The following PACSIN2 variants were observed in gnomAD, a reference collection of about 807,000 sequenced individuals.
PACSIN2 encodes the protein protein kinase C and casein kinase substrate in neurons protein 2.
A neutral mutation model predicts 63.8 loss-of-function variants in PACSIN2; 25 were observed. That is an observed-to-expected ratio of 0.39 (90% CI 0.29 to 0.55). The LOEUF is 0.55. Ranked by LOEUF, PACSIN2 falls within the 20% of genes least tolerant of loss-of-function variation. The pLI is 0.62. For missense variants in PACSIN2, 518 were observed against 646.9 expected, an observed-to-expected ratio of 0.80 and a Z score of 2.16; for synonymous variants, 255 against 256.2, an observed-to-expected ratio of 1.00 and a Z score of 0.05.
chr22:42,895,780 G>A (rs1172283812), intron 2 of PACSIN2, among the ~76,000 whole-genome samples: 1 of 152,238 alleles, frequency 6.6e-6, no homozygotes, highest in Non-Finnish European at 1.5e-5. Context: ...AGGCAAGTTG[G>A]CTGAGCACAG....
intron 1 of PACSIN2, among the ~76,000 whole-genome samples, chr22:43,012,203 A>AT (rs1438847902): frequency 4.7e-5 from 7 of 147,484 alleles, no homozygotes; most frequent in East Asian, 2.0e-4. Context: ...ACATACATAC[A>AT]AACATACAAA....
intron 1 of PACSIN2, among the ~76,000 whole-genome samples, chr22:43,010,399 T>TATATATA (rs1388431678): frequency 6.1e-5 from 2 of 32,522 alleles, no homozygotes; most frequent in Admixed American, 5.8e-4. Context: ...TATATATATA[T>TATATATA]TTTTTTTTAA....
chr22:42,875,467 TC>T (rs1315189041), intron 10 of PACSIN2, among the ~76,000 whole-genome samples: 1 of 152,064 alleles, frequency 6.6e-6, no homozygotes, highest in Admixed American at 6.6e-5. Flanking sequence ...TCTACTGGGC[TC>T]AGGTGATCCT....
At position 42,876,848 on chromosome 22, in the gene PACSIN2, G is replaced by C. The variant is rs200803740; in HGVS notation, c.1151+40C>G. On this transcript the variant is annotated intron_variant, in intron 9 of 10. Transcript: ENST00000263246. The stretch of plus-strand genomic sequence containing the variant: ...ACAGAGAGAGAGGAAGAGAGACAGA[G>C]TGAGCGCGGTGGGAGCAGAGGAAGC... 19 of 1,613,428 alleles carry C rather than the reference G, an allele frequency of 1.2e-5. No homozygotes were observed. The East Asian group carries it at 4.0e-4, about 34-fold the overall frequency.
chr22:42,889,805 G>A lies in PACSIN2; in HGVS notation c.454-1007C>T, dbSNP rs551648414. On this transcript the variant is annotated intron_variant, in intron 4 of 10. Coordinates refer to ENST00000263246, the MANE Select transcript of PACSIN2 (RefSeq NM_001184970.3). ...TAGCCAAGGCTCGACAAAACTCAAT[G>A]GCTTTGGTTGCTACTTTTAGAAAAA... Among the ~76,000 whole-genome samples the A allele has an allele frequency of 2.0e-5, 3 of 152,022 alleles. No individual in the cohort carries two copies. In the South Asian group the frequency reaches 6.2e-4, roughly 32 times the overall value.
rs540336366 is a variant in PACSIN2, at chr22:42,975,382, G to C, written c.-78+39639C>G. Among the ~76,000 whole-genome samples, 22 of 151,350 alleles carry C rather than the reference G, an allele frequency of 1.5e-4. No individual in the cohort carries two copies. The East Asian group carries it at 4.3e-3, about 29-fold the overall frequency. ...GCCTATAATCCCAGCACTTTGGGAG[G>C]CTGAGGCAGGAGAATTGCTCGAGCT... On this transcript the variant is annotated intron_variant, in intron 1 of 10. Coordinates refer to ENST00000263246, the MANE Select transcript of PACSIN2 (RefSeq NM_001184970.3).
In PACSIN2 at chr22:42,992,934, C is replaced by A. The variant is rs751584554; in HGVS notation, c.-78+22087G>T. ...ATCCTAGCACTCTGGGAGGCTGAGGCGGGCAGATTGCCCGAGCTCAGGAGT... is the reference window on the plus strand; with the variant it reads ...ATCCTAGCACTCTGGGAGGCTGAGGAGGGCAGATTGCCCGAGCTCAGGAGT... On this transcript the variant is annotated intron_variant, in intron 1 of 10. Transcript: ENST00000263246. 2.0e-5 allele frequency among the ~76,000 whole-genome samples: 3 copies of A among 152,138 alleles called. No individual in the cohort carries two copies. The East Asian group carries it at 5.8e-4, about 29-fold the overall frequency.
chr22:42,906,846 A>G (rs1391894128), intron 2 of PACSIN2, among the ~76,000 whole-genome samples: 2 of 152,250 alleles, frequency 1.3e-5, no homozygotes, highest in African/African-American at 4.8e-5. Context: ...GGGGTAGGAA[A>G]AAGAGTTTTT....
chr22:42,971,228 G>A (rs1413519808), intron 1 of PACSIN2, among the ~76,000 whole-genome samples: 4 of 152,224 alleles, frequency 2.6e-5, no homozygotes, highest in Non-Finnish European at 5.9e-5. Flanking sequence ...TGGGATTGCA[G>A]GCGCGCGCCG....
chr22:42,982,250 T>G (rs1206594081), intron 1 of PACSIN2, among the ~76,000 whole-genome samples: 7 of 48,224 alleles, frequency 1.5e-4, no homozygotes, highest in African/African-American at 6.9e-4. Context: ...GGGAGGGTGG[T>G]GGGGGGGTCA....
At chr22:42,930,274 G>A (rs1218731292) in intron 1 of PACSIN2, among the ~76,000 whole-genome samples, 4 of 152,170 alleles carry the variant, frequency 2.6e-5, no homozygotes, top group Non-Finnish European at 5.9e-5. Context: ...GTGACATGCA[G>A]CCTAACTCAC....
At chr22:42,983,277 A>G (rs906269058) in intron 1 of PACSIN2, among the ~76,000 whole-genome samples, 7 of 150,092 alleles carry the variant, frequency 4.7e-5, no homozygotes, top group African/African-American at 1.7e-4. Context: ...ACAATGTGCC[A>G]CTGCACTCCA....
intron 1 of PACSIN2, among the ~76,000 whole-genome samples, chr22:43,011,305 T>C (rs1464399434): frequency 6.6e-6 from 1 of 152,214 alleles, no homozygotes; most frequent in African/African-American, 2.4e-5. Flanking sequence ...GCCAGCACTA[T>C]TGCTCACATG....
chr22:42,980,210 A>AAAATTAATT (rs1272121943), intron 1 of PACSIN2, among the ~76,000 whole-genome samples: 1 of 152,214 alleles, frequency 6.6e-6, no homozygotes, highest in Non-Finnish European at 1.5e-5. Flanking sequence ...TGTCATTAAG[A>AAAATTAATT]AAATTAATTA....
intron 1 of PACSIN2, among the ~76,000 whole-genome samples, chr22:42,979,388 G>A (rs1921916855): frequency 6.6e-6 from 1 of 151,820 alleles, no homozygotes; most frequent in Non-Finnish European, 1.5e-5. Flanking sequence ...GCCAAGCGTG[G>A]TAGCAGGCGT....
At chr22:42,949,609 T>G (rs1933589837) in intron 1 of PACSIN2, among the ~76,000 whole-genome samples, 2 of 152,030 alleles carry the variant, frequency 1.3e-5, no homozygotes, top group African/African-American at 4.8e-5. Flanking sequence ...TGAGAAGCCC[T>G]GAAGAAAATG....
chr22:42,906,211 C>T (rs1265919902), intron 2 of PACSIN2, among the ~76,000 whole-genome samples: 1 of 152,248 alleles, frequency 6.6e-6, no homozygotes, highest in Non-Finnish European at 1.5e-5. Flanking sequence ...TCAGGCCAGG[C>T]ATGAGCCTGA....
chr22:42,977,236 A>G (rs1296840418), intron 1 of PACSIN2, among the ~76,000 whole-genome samples: 2 of 152,202 alleles, frequency 1.3e-5, no homozygotes, highest in Non-Finnish European at 2.9e-5. Context: ...CACCTAAACA[A>G]TGTAAAAACA....
intron 1 of PACSIN2, among the ~76,000 whole-genome samples, chr22:42,961,926 G>T (rs552603662): frequency 1.6e-4 from 25 of 152,230 alleles, no homozygotes; most frequent in Non-Finnish European, 3.2e-4. Flanking sequence ...CACCAAAAAA[G>T]CAGAGAAGTC....
Sources: gnomAD v4.1 joint callset for allele counts (sites outside exome capture counted in the v4.1 genomes callset) on GRCh38, gnomAD v4.1.1 for gene constraint, MANE v1.5 for transcripts, NCBI Gene and HGNC (gene_info 2026-07-23, HGNC 2026-07-21) for gene names.